Variants in ADGRB3 observed in about 807,000 individuals in gnomAD.
ADGRB3 encodes the protein adhesion G protein-coupled receptor B3, also known as brain-specific angiogenesis inhibitor 3.
A neutral mutation model predicts 193.4 loss-of-function variants in ADGRB3; 37 were observed. That is an observed-to-expected ratio of 0.19 (90% CI 0.15 to 0.25). The LOEUF is 0.25. Among genes scored for constraint, ADGRB3 ranks in the 10% least tolerant of loss-of-function variants. The pLI, the probability that ADGRB3 is intolerant of heterozygous loss-of-function variation, is 1.00. For missense variants in ADGRB3, 1,637 were observed against 1,852.9 expected, an observed-to-expected ratio of 0.88 and a Z score of 2.14; for synonymous variants, 690 against 644.2, an observed-to-expected ratio of 1.07 and a Z score of -1.08.
At chr6:69,376,833 A>G (rs992342969) in intron 30 of ADGRB3, among the ~76,000 whole-genome samples, 3 of 152,078 alleles carry the variant, frequency 2.0e-5, no homozygotes, top group Admixed American at 2.0e-4. Context: ...GACAATAGCC[A>G]TCTTTTTTTA....
intron 15 of ADGRB3, among the ~76,000 whole-genome samples, chr6:69,050,971 C>T (rs1289424010): frequency 5.9e-5 from 9 of 152,078 alleles, no homozygotes; most frequent in African/African-American, 2.2e-4. Context: ...AATCTCATAG[C>T]ACTCACTCAC....
intron 13 of ADGRB3, among the ~76,000 whole-genome samples, chr6:69,045,643 T>C (rs1771213864): frequency 1.3e-5 from 2 of 152,104 alleles, no homozygotes; most frequent in Non-Finnish European, 2.9e-5. Flanking sequence ...ATTTTGATTT[T>C]CTAATTAAAA....
intron 3 of ADGRB3, among the ~76,000 whole-genome samples, chr6:68,664,985 T>G (rs921895855): frequency 6.6e-6 from 1 of 151,798 alleles, no homozygotes; most frequent in Non-Finnish European, 1.5e-5. Flanking sequence ...TTGGTGTTCA[T>G]GTACTGTGTA....
Position 69,294,711 on chromosome 6 carries a change from G to A in ADGRB3, c.2815-30161G>A, listed in dbSNP as rs544963401. Among the ~76,000 whole-genome samples, 16 of 152,242 alleles carry A rather than the reference G, an allele frequency of 1.1e-4. 2 individuals are homozygous for A. The South Asian group carries it at 2.9e-3, about 28-fold the overall frequency. On this transcript the variant is annotated intron_variant, in intron 20 of 31. Coordinates refer to ENST00000370598, the MANE Select transcript of ADGRB3 (RefSeq NM_001704.3). ...TGTTCACATTTGGTTTCTTGATAAC[G>A]CTTGATGAGAGATACTGCCTGGGTT...
intron 17 of ADGRB3, among the ~76,000 whole-genome samples, chr6:69,184,417 A>G (rs1424371320): frequency 2.6e-5 from 4 of 152,120 alleles, no homozygotes; most frequent in African/African-American, 9.7e-5. Flanking sequence ...CCAACAACAA[A>G]GAAATAAGAA....
chr6:69,170,527 T>A (rs1327783984), intron 17 of ADGRB3, among the ~76,000 whole-genome samples: 1 of 152,154 alleles, frequency 6.6e-6, no homozygotes, highest in Admixed American at 6.5e-5. Flanking sequence ...TTTGCCAAAC[T>A]CTTATCACAG....
intron 17 of ADGRB3, among the ~76,000 whole-genome samples, chr6:69,168,522 TA>T (rs1207821458): frequency 6.6e-6 from 1 of 152,116 alleles, no homozygotes; most frequent in African/African-American, 2.4e-5. Context: ...TTTCGAAAAC[TA>T]GTCTCCATGA....
intron 3 of ADGRB3, among the ~76,000 whole-genome samples, chr6:68,778,515 CTG>C (rs1456460886): frequency 1.3e-5 from 2 of 152,060 alleles, no homozygotes; most frequent in South Asian, 2.1e-4. Flanking sequence ...CTTGAACACA[CTG>C]TATGTTTTGT....
chr6:69,269,430 T>G (rs1767124993), intron 20 of ADGRB3, among the ~76,000 whole-genome samples: 1 of 152,202 alleles, frequency 6.6e-6, no homozygotes, highest in Non-Finnish European at 1.5e-5. Flanking sequence ...TGAGCTAAGC[T>G]TGTATGTTTA....
At chr6:69,037,127 G>T (rs1193429558) in intron 13 of ADGRB3, among the ~76,000 whole-genome samples, 1 of 152,034 alleles carries the variant, frequency 6.6e-6, no homozygotes, top group Admixed American at 6.6e-5. Context: ...GGTTGTAGGG[G>T]GCGAAAATAT....
chr6:68,831,601 A>G (rs1363105076), intron 3 of ADGRB3, among the ~76,000 whole-genome samples: 1 of 152,156 alleles, frequency 6.6e-6, no homozygotes, highest in Non-Finnish European at 1.5e-5. Context: ...TGAGGAAACA[A>G]GATGATCGAG....
intron 3 of ADGRB3, among the ~76,000 whole-genome samples, chr6:68,704,713 AAAT>A (rs1234806177): frequency 1.3e-5 from 2 of 152,230 alleles, no homozygotes; most frequent in African/African-American, 4.8e-5. Context: ...AATCAGTGCT[AAAT>A]AATCTGTGAA....
intron 16 of ADGRB3, among the ~76,000 whole-genome samples, chr6:69,072,154 T>G (rs775569246): frequency 6.6e-6 from 1 of 152,184 alleles, no homozygotes; most frequent in Non-Finnish European, 1.5e-5. Context: ...TTTTCTAAAC[T>G]TCAAATGTTC....
chr6:68,718,703 C>T (rs1292302717), intron 3 of ADGRB3, among the ~76,000 whole-genome samples: 1 of 151,752 alleles, frequency 6.6e-6, no homozygotes, highest in Non-Finnish European at 1.5e-5. Flanking sequence ...AGACTTTGCA[C>T]GTACAGCATT....
chr6:69,060,254 C>A (rs2150306870), intron 15 of ADGRB3, among the ~76,000 whole-genome samples: 1 of 147,388 alleles, frequency 6.8e-6, no homozygotes, highest in Admixed American at 6.8e-5. Flanking sequence ...CTCTCTCCTC[C>A]TCTGTCTCTC....
chr6:69,031,001 C>A (rs56410835), intron 13 of ADGRB3, among the ~76,000 whole-genome samples: 1 of 54,304 alleles, frequency 1.8e-5, no homozygotes, highest in Admixed American at 1.5e-4. Flanking sequence ...CTTTCTTTTC[C>A]TTTCTTTTCT....
chr6:69,232,160 G>C (rs1311039403), intron 17 of ADGRB3, among the ~76,000 whole-genome samples: 2 of 152,160 alleles, frequency 1.3e-5, no homozygotes, highest in Admixed American at 6.5e-5. Context: ...ACACATACAG[G>C]TTTGCTAGCT....
intron 30 of ADGRB3, among the ~76,000 whole-genome samples, chr6:69,372,765 T>C (rs1316292407): frequency 6.6e-6 from 1 of 151,996 alleles, no homozygotes; most frequent in Non-Finnish European, 1.5e-5. Context: ...GCTTCCTGAT[T>C]TTTATATTTA....
intron 3 of ADGRB3, among the ~76,000 whole-genome samples, chr6:68,716,478 A>G (rs188707171): frequency 6.4e-4 from 95 of 149,370 alleles, no homozygotes; most frequent in African/African-American, 2.0e-3. Context: ...TATTTTCCAT[A>G]TTTATTTGGA....
Sources: gnomAD v4.1 joint callset for allele counts (sites outside exome capture counted in the v4.1 genomes callset) on GRCh38, gnomAD v4.1.1 for gene constraint, MANE v1.5 for transcripts, NCBI Gene and HGNC (gene_info 2026-07-23, HGNC 2026-07-21) for gene names.